The following FBXO16 variants were observed in gnomAD, a reference collection of about 807,000 sequenced individuals.
FBXO16 encodes the protein F-box protein 16.
A neutral mutation model predicts 41.0 loss-of-function variants in FBXO16; 31 were observed. The ratio of observed to expected loss-of-function variants is 0.76; its 90% CI spans 0.57 to 1.02. The LOEUF (loss-of-function observed/expected upper bound fraction) is 1.02. Ranked by LOEUF, FBXO16 falls within the 50% of genes least tolerant of loss-of-function variation. The pLI is 0.00. For missense variants in FBXO16, 361 were observed against 346.2 expected, an observed-to-expected ratio of 1.04 and a Z score of -0.34; for synonymous variants, 133 against 117.8, an observed-to-expected ratio of 1.13 and a Z score of -0.84.
rs201576696 is a variant in FBXO16, at chr8:28,463,736, C to T, written c.218G>A (p.Cys73Tyr). Residue 73 changes from cysteine to tyrosine, a missense_variant, in exon 4 of 9, where the codon TGC (cysteine) becomes TAC (tyrosine). By Grantham distance (194) the Cys-to-Tyr change is radical. Coordinates refer to ENST00000380254, the MANE Select transcript of FBXO16 (RefSeq NM_172366.4). Reference sequence around the variant, plus strand: ...AATTTTCTCTTGAAGCTTTCGACAGCAGAACTTTTGCTGGGACAGCGAGCA... The same window carrying T: ...AATTTTCTCTTGAAGCTTTCGACAGTAGAACTTTTGCTGGGACAGCGAGCA... ...ERCSLSQQKF[C>Y]CRKLQEKIPA... 8.1e-5 allele frequency: 131 copies of T among 1,614,208 alleles called. No individual in the cohort carries two copies. In the East Asian group the frequency reaches 2.8e-3, roughly 35 times the overall value.
chr8:28,463,182 ATGTG>A (rs764979893), intron 4 of FBXO16, among the ~76,000 whole-genome samples: 4 of 148,284 alleles, frequency 2.7e-5, no homozygotes, highest in Admixed American at 6.7e-5. Context: ...GTGTGTGTAT[ATGTG>A]TGTATGTTTG....
intron 1 of FBXO16, among the ~76,000 whole-genome samples, chr8:28,485,403 T>A (rs1803586630): frequency 6.6e-6 from 1 of 151,864 alleles, no homozygotes; most frequent in African/African-American, 2.4e-5. Context: ...GAACTCCTGA[T>A]CTCAGGTGAT....
At position 28,456,886 on chromosome 8, in the gene FBXO16, C is replaced by A. The variant is rs1366136587; in HGVS notation, c.387G>T (p.Trp129Cys). The part of the protein sequence containing the change: ...WKNLAELDQL[W>C]MLKCLRFNWY... The stretch of plus-strand genomic sequence containing the variant: ...AGTTAAACCGTAAACATTTCAGCAT[C>A]CAGAGCTGGTCCAGCTCAGCAAGGT... Residue 129 changes from tryptophan to cysteine, a missense_variant, in exon 5 of 9, where the codon TGG becomes TGT. Transcript: ENST00000380254. 6.2e-7 allele frequency: 1 copy of A among 1,614,094 alleles called. No homozygotes were observed. The highest frequency in any genetic ancestry group is 8.5e-7 in the Non-Finnish European group (1 of 1,180,012).
intron 7 of FBXO16, among the ~76,000 whole-genome samples, chr8:28,443,058 A>T (rs548832715): frequency 6.6e-6 from 1 of 150,406 alleles, no homozygotes; most frequent in East Asian, 2.0e-4. Context: ...TCGCTCTGTC[A>T]CCCAGGCTGG....
rs768470244 is a variant in FBXO16 at position 28,456,844 on chromosome 8, A to C, written c.429T>G (p.Ser143=). 1.7e-5 allele frequency: 27 copies of C among 1,614,048 alleles called. No homozygotes were observed. Among genetic ancestry groups the C allele is most frequent in the Non-Finnish European group, 2.1e-5 (25 of 1,180,026 alleles). The change falls in exon 5 of 9, where the codon TCT becomes TCG. Residue 143 remains serine (S), a synonymous_variant. Transcript: ENST00000380254. The stretch of plus-strand genomic sequence containing the variant: ...AGATCCCCTGCTCAAAGGGAGTTGG[A>C]GAGAAATTGATGTACCAGTTAAACC... ...CLRFNWYINF[S]PTPFEQGIWK...
At chr8:28,475,755 C>T (rs1803413756) in intron 2 of FBXO16, among the ~76,000 whole-genome samples, 2 of 152,184 alleles carry the variant, frequency 1.3e-5, no homozygotes, top group Admixed American at 6.5e-5. Context: ...CCACAGAACC[C>T]TCAAGTACAG....
At chr8:28,480,746 C>A (rs999576009) in intron 2 of FBXO16, among the ~76,000 whole-genome samples, 1 of 152,160 alleles carries the variant, frequency 6.6e-6, no homozygotes, top group Non-Finnish European at 1.5e-5. Flanking sequence ...CTCAGGTGAT[C>A]CACTCGCCTT....
At chr8:28,454,354 TG>T (rs1458752365) in intron 5 of FBXO16, among the ~76,000 whole-genome samples, 1 of 151,796 alleles carries the variant, frequency 6.6e-6, no homozygotes, top group Admixed American at 6.6e-5. Context: ...TTAATACTGC[TG>T]GGAATAAATA....
At position 28,446,626 on chromosome 8, in the gene FBXO16, C is replaced by T. The variant is rs552532961; in HGVS notation, c.843+545G>A. Among the ~76,000 whole-genome samples the T allele has an allele frequency of 2.2e-4, 34 of 151,912 alleles. No individual in the cohort carries two copies. The East Asian group carries it at 6.3e-3, about 28-fold the overall frequency. ...GTGGCTCATGCTTGTAATCCCAGCA[C>T]TTTGGGAGGCCGAGGCAGGTGGATC... is the stretch of plus-strand genomic sequence containing the variant. On this transcript the variant is annotated intron_variant, in intron 7 of 8. Coordinates refer to ENST00000380254, the MANE Select transcript of FBXO16 (RefSeq NM_172366.4).
chr8:28,483,667 G>T (rs187749043), intron 1 of FBXO16, among the ~76,000 whole-genome samples: 1 of 149,666 alleles, frequency 6.7e-6, no homozygotes, highest in Non-Finnish European at 1.5e-5. Context: ...AAAAATAAAT[G>T]TAATAAACAA....
intron 3 of FBXO16, among the ~76,000 whole-genome samples, chr8:28,464,217 C>A (rs1054155190): frequency 2.6e-5 from 4 of 152,216 alleles, no homozygotes; most frequent in Non-Finnish European, 4.4e-5. Context: ...AGAAACAAAT[C>A]CTTGTATTCA....
intron 7 of FBXO16, among the ~76,000 whole-genome samples, chr8:28,442,150 G>A (rs1802791175): frequency 6.6e-6 from 1 of 151,936 alleles, no homozygotes; most frequent in African/African-American, 2.4e-5. Flanking sequence ...ACGTTGGCCA[G>A]GCCGGTCTCA....
chr8:28,482,014 G>A (rs79726225), intron 2 of FBXO16, among the ~76,000 whole-genome samples: 4,397 of 152,172 alleles, frequency 0.029, 221 homozygotes, highest in African/African-American at 0.099. Context: ...CCACTGTTAC[G>A]TGTATCATTT....
chr8:28,458,544 CTT>C (rs34617439), intron 4 of FBXO16, among the ~76,000 whole-genome samples: 15,259 of 86,376 alleles, frequency 0.18, 415 homozygotes, highest in East Asian at 0.35. Context: ...TCTTCTTCTT[CTT>C]TTTTTTTTTT....
intron 7 of FBXO16, among the ~76,000 whole-genome samples, 188 bp from the exon 8 acceptor site, chr8:28,429,591 C>A (rs148497951): frequency 2.1e-4 from 32 of 150,938 alleles, no homozygotes; most frequent in African/African-American, 7.8e-4. Flanking sequence ...AAGCACAATG[C>A]CCCCCCGTTA....
intron 2 of FBXO16, among the ~76,000 whole-genome samples, chr8:28,474,295 G>A (rs1254027290): frequency 1.1e-5 from 1 of 91,592 alleles, no homozygotes; most frequent in Non-Finnish European, 2.0e-5. Context: ...TTCTAACCTG[G>A]GTAACAGAGC....
intron 3 of FBXO16, among the ~76,000 whole-genome samples, chr8:28,471,427 C>T (rs1324845968): frequency 6.6e-6 from 1 of 151,306 alleles, no homozygotes; most frequent in Non-Finnish European, 1.5e-5. Context: ...TCCTTCCTTC[C>T]TTCCCTCCTT....
chr8:28,429,342 C>CA, intron 8 of FBXO16, 36 bp downstream of exon 8: 1 of 1,612,002 alleles, frequency 6.2e-7, no homozygotes, highest in Non-Finnish European at 8.5e-7. Flanking sequence ...TCTAAAAAGG[C>CA]AAATGTCACA....
chr8:28,469,775 C>A (rs891975273), intron 3 of FBXO16, among the ~76,000 whole-genome samples: 6 of 152,084 alleles, frequency 3.9e-5, no homozygotes, highest in Admixed American at 6.6e-5. Flanking sequence ...ATGGCGCACA[C>A]CTGTAATCCC....
Sources: allele counts gnomAD v4.1 joint callset (sites outside exome capture counted in the v4.1 genomes callset), GRCh38; gene constraint gnomAD v4.1.1; transcripts MANE v1.5; gene names NCBI Gene and HGNC (gene_info 2026-07-23, HGNC 2026-07-21).